Variants in EDIL3 observed in about 807,000 individuals in gnomAD.
The protein encoded by EDIL3 is EGF like and discoidin domains 3.
In EDIL3, 37 loss-of-function variants were observed where a neutral mutation model predicts 67.4. That is an observed-to-expected ratio of 0.55 (90% CI 0.42 to 0.72). The LOEUF is 0.72. Ranked by LOEUF, EDIL3 falls within the 30% of genes least tolerant of loss-of-function variation. The probability of loss-of-function intolerance (pLI) is 0.00; values close to 1 mark genes in which losing one functional copy is unlikely to be tolerated. For missense variants in EDIL3, 527 were observed against 586.3 expected (o/e 0.90, Z 1.04); for synonymous variants, 195 against 196.3 (o/e 0.99, Z 0.05).
At chr5:84,085,165 A>G (rs1464832016) in intron 6 of EDIL3, among the ~76,000 whole-genome samples, 1 of 152,160 alleles carries the variant, frequency 6.6e-6, no homozygotes, top group Non-Finnish European at 1.5e-5. Context: ...CTACCTTCTG[A>G]AGCCTTCTTC....
chr5:84,181,769 T>C (rs1580364811), intron 3 of EDIL3, among the ~76,000 whole-genome samples: 1 of 152,148 alleles, frequency 6.6e-6, no homozygotes, highest in South Asian at 2.1e-4. Context: ...CCCTGGGAGA[T>C]GAAAAAAGAC....
intron 3 of EDIL3, among the ~76,000 whole-genome samples, chr5:84,211,035 C>A (rs543074043): frequency 5.8e-4 from 88 of 152,326 alleles, no homozygotes; most frequent in African/African-American, 2.0e-3. Context: ...GTCCAAATCC[C>A]TGGAACCTGT....
At chr5:84,290,646 A>C (rs2650465) in intron 1 of EDIL3, among the ~76,000 whole-genome samples, 27,935 of 152,116 alleles carry the variant, frequency 0.18, 2,916 homozygotes, top group Non-Finnish European at 0.23. Flanking sequence ...ATCTTATAAA[A>C]ATAATTTTTA....
chr5:84,165,085 G>A (rs573103150), intron 4 of EDIL3, among the ~76,000 whole-genome samples: 1 of 152,194 alleles, frequency 6.6e-6, no homozygotes, highest in African/African-American at 2.4e-5. Context: ...AATTAAGGAA[G>A]TTAGATCAGG....
intron 1 of EDIL3, among the ~76,000 whole-genome samples, chr5:84,354,800 T>A (rs1747444341): frequency 6.6e-6 from 1 of 152,228 alleles, no homozygotes; most frequent in Non-Finnish European, 1.5e-5. Flanking sequence ...TACACAATTT[T>A]TATACCTTAA....
intron 9 of EDIL3, among the ~76,000 whole-genome samples, chr5:84,007,354 A>G (rs942233661): frequency 6.6e-6 from 1 of 152,174 alleles, no homozygotes; most frequent in South Asian, 2.1e-4. Flanking sequence ...GAATGGGGAA[A>G]AAAATAGCAA....
chr5:84,178,403 C>T (rs1216808771), intron 4 of EDIL3, among the ~76,000 whole-genome samples: 1 of 152,086 alleles, frequency 6.6e-6, no homozygotes, highest in African/African-American at 2.4e-5. Flanking sequence ...CCTAGCAATC[C>T]TTGCAAGAGT....
chr5:84,132,255 T>A (rs144816630), intron 5 of EDIL3, among the ~76,000 whole-genome samples: 9,657 of 119,674 alleles, frequency 0.081, 457 homozygotes, highest in Middle Eastern at 0.12. Context: ...AAAGAAAAAA[T>A]ATATATATAA....
At chr5:83,985,801 TA>T (rs1745049073) in intron 9 of EDIL3, among the ~76,000 whole-genome samples, 1 of 151,856 alleles carries the variant, frequency 6.6e-6, no homozygotes, top group South Asian at 2.1e-4. Context: ...AAATAATAGG[TA>T]AAAATATTTT....
intron 9 of EDIL3, among the ~76,000 whole-genome samples, chr5:84,024,330 C>A (rs951330733): frequency 5.3e-5 from 8 of 152,218 alleles, no homozygotes; most frequent in Middle Eastern, 3.4e-3. Context: ...TTAGAACAAC[C>A]AAGAAAAATG....
chr5:84,370,305 G>A (rs1747817825), intron 1 of EDIL3, among the ~76,000 whole-genome samples: 1 of 152,194 alleles, frequency 6.6e-6, no homozygotes, highest in Non-Finnish European at 1.5e-5. Context: ...CTGTTTAGAA[G>A]GTTCTCAGCT....
chr5:84,223,694 A>G (rs1744394905), intron 3 of EDIL3, among the ~76,000 whole-genome samples: 1 of 151,504 alleles, frequency 6.6e-6, no homozygotes, highest in South Asian at 2.1e-4. Flanking sequence ...TGGAGATCTA[A>G]TGTACAGTAT....
chr5:84,377,030 A>T (rs1277756588), intron 1 of EDIL3, among the ~76,000 whole-genome samples: 2 of 152,218 alleles, frequency 1.3e-5, no homozygotes, highest in Non-Finnish European at 2.9e-5. Flanking sequence ...AAAATGTGAT[A>T]AAGAGTGCAG....
rs139115582 is a variant in EDIL3 at position 83,968,749 on chromosome 5, T to A, written c.1138-5389A>T. 1.4e-3 allele frequency among the ~76,000 whole-genome samples: 211 copies of A among 152,150 alleles called. 2 individuals are homozygous for A. The highest frequency in any genetic ancestry group is 4.8e-3 in the African/African-American group (200 of 41,556). ...TGTCAATCTGAACTACAACTTATGA[T>A]TGTTGTCAGCTTATAACTATTAATT... On this transcript the variant is annotated intron_variant, in intron 9 of 10. Transcript: ENST00000296591.
chr5:84,012,416 A>T (rs1410633944), intron 9 of EDIL3, among the ~76,000 whole-genome samples: 1 of 152,182 alleles, frequency 6.6e-6, no homozygotes. Flanking sequence ...GCAACTGATC[A>T]ATTCCTTCAG....
chr5:84,192,509 C>T (rs1018226771), intron 3 of EDIL3, among the ~76,000 whole-genome samples: 2 of 151,926 alleles, frequency 1.3e-5, no homozygotes, highest in Non-Finnish European at 2.9e-5. Context: ...TTCCTGATGT[C>T]CTTTTCCTTC....
chr5:84,024,075 G>C (rs759552017), intron 9 of EDIL3, among the ~76,000 whole-genome samples: 16 of 152,108 alleles, frequency 1.1e-4, no homozygotes, highest in South Asian at 4.1e-4. Context: ...GCACAGATTA[G>C]CTTTGGTATT....
intron 9 of EDIL3, among the ~76,000 whole-genome samples, chr5:83,985,343 T>G (rs576025858): frequency 2.0e-5 from 3 of 152,262 alleles, no homozygotes; most frequent in Non-Finnish European, 2.9e-5. Flanking sequence ...ATGTATATTT[T>G]TGTATCAAAT....
At chr5:84,324,572 G>C (rs771927729) in intron 1 of EDIL3, among the ~76,000 whole-genome samples, 4 of 151,070 alleles carry the variant, frequency 2.6e-5, no homozygotes, top group African/African-American at 4.9e-5. Flanking sequence ...GGTTATAGCA[G>C]AAATAAGCAA....
Sources: allele counts gnomAD v4.1 joint callset (sites outside exome capture counted in the v4.1 genomes callset), GRCh38; gene constraint gnomAD v4.1.1; transcripts MANE v1.5; gene names NCBI Gene and HGNC (gene_info 2026-07-23, HGNC 2026-07-21).